MARCHF1: variants seen among roughly 807,000 people sequenced by gnomAD.
MARCHF1 encodes the protein membrane associated ring-CH-type finger 1, also known as E3 ubiquitin-protein ligase MARCHF1.
In MARCHF1, 40 loss-of-function variants were observed where a neutral mutation model predicts 54.2. The ratio of observed to expected loss-of-function variants is 0.74; its 90% CI spans 0.57 to 0.96. The LOEUF is 0.96. Among genes scored for constraint, MARCHF1 ranks in the 40% least tolerant of loss-of-function variants. The pLI is 0.00. For synonymous variants in MARCHF1, 236 were observed against 236.3 expected, an observed-to-expected ratio of 1.00 and a Z score of 0.01; for missense variants, 586 against 656.5, an observed-to-expected ratio of 0.89 and a Z score of 1.17.
At chr4:163,568,225 T>A (rs1739715486) in intron 8 of MARCHF1, among the ~76,000 whole-genome samples, 1 of 152,170 alleles carries the variant, frequency 6.6e-6, no homozygotes, top group Admixed American at 6.5e-5. Context: ...TAACTGTTAC[T>A]CTAGAGCAGT....
intron 4 of MARCHF1, among the ~76,000 whole-genome samples, chr4:163,775,611 G>A (rs1747282667): frequency 6.6e-6 from 1 of 152,100 alleles, no homozygotes; most frequent in African/African-American, 2.4e-5. Flanking sequence ...GTCAGGGAAG[G>A]CTGAAAACAG....
intron 1 of MARCHF1, among the ~76,000 whole-genome samples, chr4:164,160,970 C>T (rs1022077755): frequency 2.0e-5 from 3 of 152,056 alleles, no homozygotes; most frequent in Non-Finnish European, 4.4e-5. Context: ...CTAAGAATAA[C>T]ATGATAGTTT....
chr4:163,679,464 C>T (rs1001651886), intron 5 of MARCHF1, among the ~76,000 whole-genome samples: 2 of 152,146 alleles, frequency 1.3e-5, no homozygotes, highest in Admixed American at 1.3e-4. Context: ...TCTTAGTCTT[C>T]TCTCCTGTCT....
intron 2 of MARCHF1, among the ~76,000 whole-genome samples, chr4:164,052,791 C>A (rs1754401687): frequency 6.6e-6 from 1 of 151,996 alleles, no homozygotes; most frequent in Non-Finnish European, 1.5e-5. Context: ...CACTTCCTGA[C>A]ACCAGGATTA....
intron 2 of MARCHF1, among the ~76,000 whole-genome samples, chr4:164,028,338 T>TG (rs1316230873): frequency 6.6e-6 from 1 of 152,160 alleles, no homozygotes; most frequent in Non-Finnish European, 1.5e-5. Flanking sequence ...TCATCAGTGG[T>TG]GGACTGGATA....
chr4:164,057,113 C>A (rs541230204), intron 2 of MARCHF1, among the ~76,000 whole-genome samples: 4 of 152,228 alleles, frequency 2.6e-5, no homozygotes, highest in Non-Finnish European at 4.4e-5. Flanking sequence ...CAGAATAAAA[C>A]AAAAGAGCAT....
intron 5 of MARCHF1, among the ~76,000 whole-genome samples, chr4:163,700,566 A>AAGGC (rs1220355082): frequency 4.0e-5 from 6 of 151,208 alleles, no homozygotes; most frequent in African/African-American, 1.5e-4. Flanking sequence ...GGAAGGAAGG[A>AAGGC]AGGAAGGAAG....
At chr4:163,623,692 T>A (rs1741765460) in intron 5 of MARCHF1, among the ~76,000 whole-genome samples, 1 of 152,212 alleles carries the variant, frequency 6.6e-6, no homozygotes, top group African/African-American at 2.4e-5. Context: ...TTAGTTACAA[T>A]GGAAGTAACT....
At chr4:164,126,672 G>A (rs1756189058) in intron 1 of MARCHF1, among the ~76,000 whole-genome samples, 1 of 152,158 alleles carries the variant, frequency 6.6e-6, no homozygotes, top group Admixed American at 6.6e-5. Context: ...TTTCTGTAGA[G>A]AAGGCTTCGG....
At chr4:163,661,644 C>T (rs1212780005) in intron 5 of MARCHF1, among the ~76,000 whole-genome samples, 1 of 151,946 alleles carries the variant, frequency 6.6e-6, no homozygotes, top group East Asian at 1.9e-4. Flanking sequence ...CAATAAACAA[C>T]ATATTTAAAG....
At chr4:163,588,834 T>G (rs910435905) in intron 7 of MARCHF1, among the ~76,000 whole-genome samples, 2 of 152,132 alleles carry the variant, frequency 1.3e-5, no homozygotes, top group Admixed American at 1.3e-4. Context: ...ATCTGACCCT[T>G]TCAGAAAATG....
At chr4:163,805,018 AT>A (rs1369723644) in intron 4 of MARCHF1, among the ~76,000 whole-genome samples, 1 of 152,136 alleles carries the variant, frequency 6.6e-6, no homozygotes, top group Non-Finnish European at 1.5e-5. Context: ...TCTTTGGATA[AT>A]GGCTCCCATA....
chr4:164,073,881 G>A (rs1484466277), intron 2 of MARCHF1, among the ~76,000 whole-genome samples: 3 of 151,984 alleles, frequency 2.0e-5, no homozygotes, highest in South Asian at 2.1e-4. Flanking sequence ...TCGGCTCACC[G>A]CAAACTCTGA....
At chr4:164,197,633 T>C (rs1240546554) in intron 1 of MARCHF1, 1 of 1,613,070 alleles carries the variant, frequency 6.2e-7, no homozygotes, top group East Asian at 2.2e-5. Flanking sequence ...TTCGACCGAC[T>C]GTTGTCCAGG....
At chr4:164,340,964 G>T (rs531173822) in intron 1 of MARCHF1, among the ~76,000 whole-genome samples, 34 of 148,802 alleles carry the variant, frequency 2.3e-4, no homozygotes, top group African/African-American at 7.7e-4. Flanking sequence ...GATGAATCTA[G>T]ATGCAAAACT....
At chr4:163,986,464 C>A (rs924945998) in intron 3 of MARCHF1, among the ~76,000 whole-genome samples, 19 of 151,484 alleles carry the variant, frequency 1.3e-4, no homozygotes, top group Non-Finnish European at 1.9e-4. Context: ...CAGGGTTTCA[C>A]CGAGTTAGAC....
At chr4:163,973,294 G>C (rs907044514) in intron 3 of MARCHF1, among the ~76,000 whole-genome samples, 3 of 152,200 alleles carry the variant, frequency 2.0e-5, no homozygotes, top group African/African-American at 7.2e-5. Flanking sequence ...AATAATCTCA[G>C]CTAGACTTGT....
At chr4:163,679,905 C>T (rs1744046853) in intron 5 of MARCHF1, among the ~76,000 whole-genome samples, 1 of 151,940 alleles carries the variant, frequency 6.6e-6, no homozygotes, top group South Asian at 2.1e-4. Flanking sequence ...CGGCCTTTAT[C>T]TCCGCTTCTT....
rs1193593889 is a variant in MARCHF1 at position 164,243,907 on chromosome 4, AC to A, written c.-322-132246del. Among the ~76,000 whole-genome samples, 12 of 152,202 alleles carry A rather than the reference AC, an allele frequency of 7.9e-5. 1 individual carries two copies. The highest frequency in any genetic ancestry group is 3.9e-4 in the Admixed American group (6 of 15,294). On this transcript the variant is annotated intron_variant, in intron 1 of 9. Coordinates refer to ENST00000514618, the MANE Select transcript of MARCHF1 (RefSeq NM_001394959.1). ...GGGATCAATTCAACAAGAAGAGCTA[AC>A]TATCCTAAATATATATGCACCCAAT...
Sources: allele counts gnomAD v4.1 joint callset (sites outside exome capture counted in the v4.1 genomes callset), GRCh38; gene constraint gnomAD v4.1.1; transcripts MANE v1.5; gene names NCBI Gene and HGNC (gene_info 2026-07-23, HGNC 2026-07-21).